The following CDH11 variants were observed in gnomAD, a reference collection of about 807,000 sequenced individuals.
The protein encoded by CDH11 is cadherin 11.
Under a neutral mutation model 67.8 loss-of-function variants are expected in CDH11, and 11 were observed. That is an observed-to-expected ratio of 0.16 (90% CI 0.10 to 0.27). CDH11 has a LOEUF of 0.27. Ranked by LOEUF, CDH11 falls within the 10% of genes least tolerant of loss-of-function variation. CDH11 has a pLI of 1.00. For synonymous variants in CDH11, 419 were observed against 400.0 expected, an observed-to-expected ratio of 1.05 and a Z score of -0.57; for missense variants, 847 against 1,031.2, an observed-to-expected ratio of 0.82 and a Z score of 2.45.
intron 8 of CDH11, among the ~76,000 whole-genome samples, chr16:64,979,684 T>A (rs1205050333): frequency 6.6e-6 from 1 of 152,068 alleles, no homozygotes; most frequent in Non-Finnish European, 1.5e-5. Flanking sequence ...AAGTTAAACA[T>A]AGAGTTACCA....
chr16:65,074,641 C>T (rs1029492384), intron 1 of CDH11, among the ~76,000 whole-genome samples: 1 of 152,020 alleles, frequency 6.6e-6, no homozygotes, highest in African/African-American at 2.4e-5. Context: ...ATTTCCAAGC[C>T]CATATCTTCC....
intron 2 of CDH11, among the ~76,000 whole-genome samples, chr16:65,033,609 T>C (rs143951203): frequency 0.05 from 7,540 of 152,012 alleles, 271 homozygotes; most frequent in Non-Finnish European, 0.07. Context: ...TGGTGTTGTG[T>C]GCCTGTAGTC....
At chr16:65,102,721 T>C (rs1402723319) in intron 1 of CDH11, among the ~76,000 whole-genome samples, 2 of 152,206 alleles carry the variant, frequency 1.3e-5, no homozygotes, top group Admixed American at 6.5e-5. Context: ...GTGTCAATGA[T>C]AGCTCACCCA....
chr16:65,004,507 G>C, intron 3 of CDH11, 135 bp downstream of exon 3: 1 of 719,860 alleles, frequency 1.4e-6, no homozygotes, highest in Non-Finnish European at 2.2e-6. Context: ...ACAATATTTG[G>C]GTGGTTTTAC....
intron 2 of CDH11, chr16:65,007,026 A>C (rs760601227): frequency 6.6e-6 from 1 of 152,234 alleles, no homozygotes; most frequent in East Asian, 1.9e-4. Context: ...AGATGCCCCC[A>C]AGAGGGTGAT....
chr16:65,040,313 C>A (rs1157029694), intron 2 of CDH11, among the ~76,000 whole-genome samples: 3 of 152,096 alleles, frequency 2.0e-5, no homozygotes, highest in Non-Finnish European at 4.4e-5. Context: ...CCCAAATGTC[C>A]AACAATGATA....
chr16:65,088,991 G>C (rs1447141851), intron 1 of CDH11, among the ~76,000 whole-genome samples: 1 of 152,152 alleles, frequency 6.6e-6, no homozygotes, highest in Non-Finnish European at 1.5e-5. Flanking sequence ...CAAAGAAATG[G>C]AAAGTGCATT....
intron 1 of CDH11, among the ~76,000 whole-genome samples, chr16:65,110,624 ATGTGTGTGTGTGTGTGTGTGTGTGTGTG>A (rs57316241): frequency 1.5e-5 from 2 of 135,920 alleles, no homozygotes; most frequent in Middle Eastern, 3.8e-3. Context: ...ATGGCCAATG[ATGTGTGTGTGTGTGTGTGTGTGTGTGTG>A]TGTGTGTGTG....
intron 2 of CDH11, among the ~76,000 whole-genome samples, chr16:65,051,613 T>C (rs1408440727): frequency 2.0e-5 from 3 of 152,184 alleles, no homozygotes; most frequent in East Asian, 3.9e-4. Flanking sequence ...GTAATTTCCA[T>C]GTGTGGAAGG....
chr16:64,965,663 A>T lies in CDH11; in HGVS notation c.1642+5916T>A, dbSNP rs12447074. On this transcript the variant is annotated intron_variant, in intron 11 of 12. Coordinates refer to ENST00000268603, the MANE Select transcript of CDH11 (RefSeq NM_001797.4). The stretch of plus-strand genomic sequence containing the variant: ...TAAAATAATGTTTAAAAGTGTAGTT[A>T]TGGTAAATCCTAGGTGATAGGCATT... Among the ~76,000 whole-genome samples, 2,540 of 152,248 alleles carry T rather than the reference A, an allele frequency of 0.017. 109 individuals carry two copies. The East Asian group carries it at 0.17, about 10-fold the overall frequency.
At chr16:64,999,216 C>G (rs1168601922) in intron 3 of CDH11, among the ~76,000 whole-genome samples, 1 of 152,168 alleles carries the variant, frequency 6.6e-6, no homozygotes, top group Non-Finnish European at 1.5e-5. Flanking sequence ...AGCAAACATT[C>G]ATGCAATAAG....
At chr16:64,993,107 A>G in intron 4 of CDH11, 73 bp from the exon 5 acceptor site, 1 of 1,305,882 alleles carries the variant, frequency 7.7e-7, no homozygotes, top group South Asian at 1.2e-5. Flanking sequence ...ACAAAGTTTT[A>G]TTCTAAAATT....
intron 11 of CDH11, among the ~76,000 whole-genome samples, chr16:64,970,705 C>T (rs1245272810): frequency 2.0e-5 from 3 of 152,162 alleles, no homozygotes; most frequent in East Asian, 1.9e-4. Flanking sequence ...AGCAATCAAC[C>T]TATGGCCTAG....
At chr16:65,002,532 C>G (rs935485401) in intron 3 of CDH11, among the ~76,000 whole-genome samples, 2 of 152,176 alleles carry the variant, frequency 1.3e-5, no homozygotes, top group South Asian at 4.1e-4. Context: ...CCATTTCTCA[C>G]GTCAACTTCC....
At position 65,051,878 on chromosome 16, in the gene CDH11, A is replaced by G. The variant is rs535375945; in HGVS notation, c.-173+1926T>C. 2.0e-5 allele frequency among the ~76,000 whole-genome samples: 3 copies of G among 152,286 alleles called. No individual in the cohort carries two copies. In the East Asian group the frequency reaches 5.8e-4, roughly 29 times the overall value. ...TGCAGAACTGTGAGTCAATTAAACC[A>G]CTTTCATTTATAAACTACCAGTCTC... is the stretch of plus-strand genomic sequence containing the variant. On this transcript the variant is annotated intron_variant, in intron 2 of 12. Transcript: ENST00000268603.
At chr16:65,003,450 T>C (rs1241160704) in intron 3 of CDH11, among the ~76,000 whole-genome samples, 1 of 151,924 alleles carries the variant, frequency 6.6e-6, no homozygotes, top group African/African-American at 2.4e-5. Flanking sequence ...AGAGACGGGG[T>C]TTCACCATAC....
At chr16:64,984,829 C>T (rs2072445190) in intron 7 of CDH11, 1 of 152,178 alleles carries the variant, frequency 6.6e-6, no homozygotes, top group Non-Finnish European at 1.5e-5. Flanking sequence ...GTTAACAAAT[C>T]AGATCACCCT....
intron 1 of CDH11, among the ~76,000 whole-genome samples, chr16:65,054,855 T>C (rs2074117087): frequency 6.6e-6 from 1 of 152,184 alleles, no homozygotes; most frequent in South Asian, 2.1e-4. Flanking sequence ...TTCATTTCTT[T>C]CCAAATCTCT....
chr16:65,107,021 A>C (rs1156488677), intron 1 of CDH11, among the ~76,000 whole-genome samples: 1 of 152,034 alleles, frequency 6.6e-6, no homozygotes, highest in Non-Finnish European at 1.5e-5. Context: ...ATGTGATCTC[A>C]GGCTCCCATT....
Sources: allele counts gnomAD v4.1 joint callset (sites outside exome capture counted in the v4.1 genomes callset), GRCh38; gene constraint gnomAD v4.1.1; transcripts MANE v1.5; gene names NCBI Gene and HGNC (gene_info 2026-07-23, HGNC 2026-07-21).